The following CDKAL1 variants were observed in gnomAD, a reference collection of about 807,000 sequenced individuals.
The protein encoded by CDKAL1 is threonylcarbamoyladenosine tRNA methylthiotransferase.
A neutral mutation model predicts 68.2 loss-of-function variants in CDKAL1; 32 were observed. The ratio of observed to expected loss-of-function variants is 0.47; its 90% CI spans 0.35 to 0.63. CDKAL1 has a LOEUF of 0.63. CDKAL1 is among the 30% of genes least tolerant of loss of function. The pLI is 0.00. For synonymous variants in CDKAL1, 234 were observed against 244.3 expected (o/e 0.96, Z 0.39); for missense variants, 606 against 696.7 (o/e 0.87, Z 1.47).
intron 10 of CDKAL1, among the ~76,000 whole-genome samples, chr6:20,963,752 TTA>T (rs1765168169): frequency 6.6e-6 from 1 of 152,208 alleles, no homozygotes; most frequent in Non-Finnish European, 1.5e-5. Flanking sequence ...AAAATTCTCT[TTA>T]TATGGCCATC....
intron 9 of CDKAL1, among the ~76,000 whole-genome samples, 179 bp from the exon 10 acceptor site, chr6:20,955,240 G>A (rs532988838): frequency 2.6e-5 from 4 of 152,296 alleles, no homozygotes; most frequent in South Asian, 2.1e-4. Context: ...TCTGGTGTTC[G>A]TAAAATGAAC....
At chr6:20,764,132 G>A (rs1330976149) in intron 7 of CDKAL1, among the ~76,000 whole-genome samples, 7 of 152,138 alleles carry the variant, frequency 4.6e-5, no homozygotes, top group South Asian at 4.1e-4. Context: ...TCCAAAAAAA[G>A]TATGTGAAAT....
intron 9 of CDKAL1, among the ~76,000 whole-genome samples, chr6:20,939,464 C>T (rs138781561): frequency 6.6e-6 from 1 of 152,216 alleles, no homozygotes; most frequent in African/African-American, 2.4e-5. Flanking sequence ...TAAGTGAACT[C>T]AAGTTTGAAA....
At chr6:20,646,118 G>T (rs1324412440) in intron 4 of CDKAL1, among the ~76,000 whole-genome samples, 1 of 137,964 alleles carries the variant, frequency 7.2e-6, no homozygotes, top group Non-Finnish European at 1.5e-5. Flanking sequence ...GTGCAGTGGT[G>T]CAATCTCAGC....
intron 8 of CDKAL1, among the ~76,000 whole-genome samples, chr6:20,820,553 A>T (rs181249773): frequency 2.1e-4 from 32 of 152,296 alleles, no homozygotes; most frequent in African/African-American, 7.5e-4. Flanking sequence ...TACCCTGTCC[A>T]TGTGCATAGT....
chr6:20,840,227 C>CT (rs1778120015), intron 8 of CDKAL1, among the ~76,000 whole-genome samples: 1 of 152,126 alleles, frequency 6.6e-6, no homozygotes, highest in Non-Finnish European at 1.5e-5. Flanking sequence ...AAATGCATAA[C>CT]TGAGTTTCTG....
At chr6:21,227,875 TG>T (rs1485790022) in intron 15 of CDKAL1, among the ~76,000 whole-genome samples, 1 of 152,264 alleles carries the variant, frequency 6.6e-6, no homozygotes, top group Non-Finnish European at 1.5e-5. Flanking sequence ...AGAAATTTTC[TG>T]AAATTGTCAT....
At chr6:20,780,787 C>T (rs193057079) in intron 7 of CDKAL1, among the ~76,000 whole-genome samples, 94 of 151,584 alleles carry the variant, frequency 6.2e-4, no homozygotes, top group African/African-American at 2.2e-3. Context: ...TATTCTCCTG[C>T]CTCAGCCTCC....
chr6:21,065,762 C>T (rs1771404808), intron 12 of CDKAL1, among the ~76,000 whole-genome samples: 1 of 149,606 alleles, frequency 6.7e-6, no homozygotes, highest in Admixed American at 6.7e-5. Context: ...TTAGATGACT[C>T]ATAATGAATG....
chr6:20,848,793 CTTT>C (rs773701322), intron 9 of CDKAL1, among the ~76,000 whole-genome samples: 8 of 139,282 alleles, frequency 5.7e-5, no homozygotes, highest in Admixed American at 1.4e-4. Flanking sequence ...TTCTTTCTTT[CTTT>C]TTTTTTTTTT....
Position 20,741,131 on chromosome 6 carries a change from T to C in CDKAL1, c.468+1516T>C, listed in dbSNP as rs78365306. On this transcript the variant is annotated intron_variant, in intron 6 of 15. Coordinates refer to ENST00000274695, the MANE Select transcript of CDKAL1 (RefSeq NM_017774.3). ...GTGCCGGGAAAAGCGTATGTTAGGA[T>C]GTACAGGAGATTCTCCAGATGCAGT... Among the ~76,000 whole-genome samples the C allele has an allele frequency of 8.5e-3, 1,292 of 152,186 alleles. 16 individuals carry two copies. The highest frequency in any genetic ancestry group is 0.03 in the African/African-American group (1,238 of 41,516).
chr6:20,598,221 A>G (rs1323938003), intron 4 of CDKAL1, among the ~76,000 whole-genome samples: 1 of 152,200 alleles, frequency 6.6e-6, no homozygotes, highest in African/African-American at 2.4e-5. Flanking sequence ...CTGAAGTTGC[A>G]TTTCCTTACA....
chr6:20,534,566 G>T lies in CDKAL1; in HGVS notation c.-58G>T, dbSNP rs1763094535. 6.5e-6 allele frequency: 1 copy of T among 152,678 alleles called. No individual in the cohort carries two copies. The highest frequency in any genetic ancestry group is 2.4e-5 in the African/African-American group (1 of 41,376). 9.5% of individuals were successfully genotyped at this position (152,678 alleles called of 1,614,324 possible). On this transcript the variant is annotated 5_prime_UTR_variant, in exon 1 of 16. Transcript: ENST00000274695. ...CACTTTGGACTGGTTTTTACTTCCC[G>T]ACTTCTGGGTAAGGGTGGCCGATGG...
At chr6:21,202,340 G>T (rs1302339416) in intron 15 of CDKAL1, among the ~76,000 whole-genome samples, 2 of 151,908 alleles carry the variant, frequency 1.3e-5, no homozygotes, top group Non-Finnish European at 2.9e-5. Context: ...CAGCCTGCAT[G>T]ATCAGGAGAT....
At chr6:20,734,149 GAAA>G (rs869188862) in intron 5 of CDKAL1, among the ~76,000 whole-genome samples, 2,568 of 106,184 alleles carry the variant, frequency 0.024, 61 homozygotes, top group African/African-American at 0.08. Flanking sequence ...ACTCTGTCTT[GAAA>G]AAAAAAAAAA....
At chr6:21,143,221 G>A (rs1776009834) in intron 13 of CDKAL1, among the ~76,000 whole-genome samples, 1 of 152,176 alleles carries the variant, frequency 6.6e-6, no homozygotes, top group Non-Finnish European at 1.5e-5. Context: ...AATAAAAGCA[G>A]CAATAGCATA....
intron 4 of CDKAL1, chr6:20,599,349 A>G (rs1175198778): frequency 2.2e-6 from 1 of 452,844 alleles, no homozygotes; most frequent in Admixed American, 2.4e-5. Flanking sequence ...AAAATAATTT[A>G]ATTACATGTC....
At chr6:21,014,085 G>A (rs1408389665) in intron 11 of CDKAL1, among the ~76,000 whole-genome samples, 1 of 152,178 alleles carries the variant, frequency 6.6e-6, no homozygotes, top group Non-Finnish European at 1.5e-5. Context: ...TTAAAGAAGT[G>A]TGTGCCCCAC....
chr6:21,060,267 C>T (rs1378222718), intron 11 of CDKAL1, among the ~76,000 whole-genome samples: 1 of 152,022 alleles, frequency 6.6e-6, no homozygotes, highest in Admixed American at 6.6e-5. Context: ...CTTCTTGAGT[C>T]CATTTTCATA....
Sources: gnomAD v4.1 joint callset for allele counts (sites outside exome capture counted in the v4.1 genomes callset) on GRCh38, gnomAD v4.1.1 for gene constraint, MANE v1.5 for transcripts, NCBI Gene and HGNC (gene_info 2026-07-23, HGNC 2026-07-21) for gene names.